Variants in BMPER observed in about 807,000 individuals in gnomAD.
BMPER encodes BMP binding endothelial regulator.
A neutral mutation model predicts 87.3 loss-of-function variants in BMPER; 45 were observed. That is an observed-to-expected ratio of 0.52 (90% confidence interval 0.41 to 0.66). BMPER has a LOEUF of 0.66. BMPER is among the 30% of genes least tolerant of loss of function. BMPER has a pLI of 0.00. For synonymous variants in BMPER, 326 were observed against 316.2 expected (o/e 1.03, Z -0.33); for missense variants, 784 against 867.5 (o/e 0.90, Z 1.21).
At chr7:33,907,829 G>A (rs1334706589) in intron 2 of BMPER, among the ~76,000 whole-genome samples, 1 of 152,204 alleles carries the variant, frequency 6.6e-6, no homozygotes, top group African/African-American at 2.4e-5. Flanking sequence ...ATGCTGTGTG[G>A]CGCTGGAGAA....
intron 11 of BMPER, among the ~76,000 whole-genome samples, chr7:34,078,312 C>T (rs1031295695): frequency 3.3e-5 from 5 of 152,136 alleles, no homozygotes; most frequent in African/African-American, 9.7e-5. Flanking sequence ...TACTATTAAA[C>T]TCGTGTCTGT....
chr7:34,060,535 A>C (rs556772709), intron 10 of BMPER, among the ~76,000 whole-genome samples: 2 of 152,378 alleles, frequency 1.3e-5, no homozygotes, highest in African/African-American at 4.8e-5. Context: ...AGTCTCACTC[A>C]AAGTTGTCAA....
chr7:33,905,815 GCTT>G, intron 1 of BMPER, 69 bp downstream of exon 1: 5 of 1,392,578 alleles, frequency 3.6e-6, no homozygotes, highest in East Asian at 2.6e-5. Context: ...GGTGGCGCTG[GCTT>G]GCCCCGGGGA....
At chr7:33,946,211 C>T (rs1784890878) in intron 3 of BMPER, among the ~76,000 whole-genome samples, 1 of 152,170 alleles carries the variant, frequency 6.6e-6, no homozygotes, top group South Asian at 2.1e-4. Flanking sequence ...TGAGAACTCA[C>T]TATCATGAGA....
At chr7:34,023,776 T>C (rs1464121341) in intron 6 of BMPER, among the ~76,000 whole-genome samples, 4 of 152,072 alleles carry the variant, frequency 2.6e-5, no homozygotes, top group African/African-American at 9.7e-5. Flanking sequence ...GTGTTCCAAG[T>C]TGTGTTTAGA....
intron 14 of BMPER, among the ~76,000 whole-genome samples, chr7:34,148,577 A>G (rs1049143405): frequency 1.3e-5 from 2 of 152,198 alleles, no homozygotes; most frequent in African/African-American, 4.8e-5. Context: ...TGGTATTTAT[A>G]GGATGAAGGA....
At chr7:34,084,274 C>A (rs1789139543) in intron 12 of BMPER, among the ~76,000 whole-genome samples, 2 of 152,222 alleles carry the variant, frequency 1.3e-5, no homozygotes, top group Non-Finnish European at 2.9e-5. Flanking sequence ...GCACTCCAGC[C>A]TGGGCGACAG....
At chr7:34,059,480 G>A (rs1788374413) in intron 10 of BMPER, among the ~76,000 whole-genome samples, 2 of 152,022 alleles carry the variant, frequency 1.3e-5, no homozygotes, top group Admixed American at 6.6e-5. Flanking sequence ...TGGGCCAGGG[G>A]CATCCATTCC....
chr7:34,138,789 T>C (rs1790789317), intron 13 of BMPER, among the ~76,000 whole-genome samples: 1 of 152,190 alleles, frequency 6.6e-6, no homozygotes, highest in Non-Finnish European at 1.5e-5. Flanking sequence ...GTTTTCCCAC[T>C]GGAGCACACT....
At position 34,155,936 on chromosome 7, in the gene BMPER, T is replaced by C. The variant is rs924484237; in HGVS notation, c.*2663T>C. On this transcript the variant is annotated 3_prime_UTR_variant, in exon 15 of 15. Coordinates refer to ENST00000649409, the MANE Select transcript of BMPER (RefSeq NM_001365308.1). ...CATAATTATGATTCTAATTGCCCAT[T>C]GTTGGTACTCAGTAAAACTAAGTTC... 1 of 152,232 alleles carries C rather than the reference T, an allele frequency of 6.6e-6. No individual in the cohort carries two copies. The highest frequency in any genetic ancestry group is 2.4e-5 in the African/African-American group (1 of 41,464). 9.4% of individuals were successfully genotyped at this position (152,232 alleles called of 1,614,324 possible).
rs886062309 is a variant in BMPER at position 34,155,550 on chromosome 7, T to G, written c.*2277T>G. ...CCTTTAGCTGGGGATTAGCTTAATC[T>G]CTGTACATTTTTCTCATTTCTAATT... On this transcript the variant is annotated 3_prime_UTR_variant, in exon 15 of 15. Transcript: ENST00000649409. 1.3e-5 allele frequency: 2 copies of G among 152,336 alleles called. No homozygotes were observed. The highest frequency in any genetic ancestry group is 3.9e-4 in the East Asian group (2 of 5,184). 9.4% of individuals were successfully genotyped at this position (152,336 alleles called of 1,614,324 possible).
intron 3 of BMPER, among the ~76,000 whole-genome samples, chr7:33,952,736 A>T (rs1486811477): frequency 6.6e-6 from 1 of 152,114 alleles, no homozygotes; most frequent in Non-Finnish European, 1.5e-5. Flanking sequence ...ATCAGAGAAT[A>T]CTCTTGTAGT....
intron 11 of BMPER, among the ~76,000 whole-genome samples, chr7:34,078,591 A>G (rs1198442022): frequency 6.6e-6 from 1 of 152,216 alleles, no homozygotes; most frequent in African/African-American, 2.4e-5. Context: ...CGTTAAGATC[A>G]TGGAAGCATA....
At chr7:34,002,681 T>C (rs1786613198) in intron 6 of BMPER, among the ~76,000 whole-genome samples, 1 of 151,850 alleles carries the variant, frequency 6.6e-6, no homozygotes, top group Admixed American at 6.6e-5. Flanking sequence ...TTTTGCTTCA[T>C]ATATGTTAGG....
chr7:34,001,358 A>G (rs1786574908), intron 6 of BMPER, among the ~76,000 whole-genome samples: 1 of 151,868 alleles, frequency 6.6e-6, no homozygotes. Flanking sequence ...TGGCATGAAT[A>G]TGAGTCTATT....
At chr7:34,023,855 T>C (rs1317059665) in intron 6 of BMPER, among the ~76,000 whole-genome samples, 1 of 152,084 alleles carries the variant, frequency 6.6e-6, no homozygotes, top group African/African-American at 2.4e-5. Flanking sequence ...GTTTCTTTTA[T>C]ATGTCTTTAT....
At chr7:33,977,110 T>C (rs1585697494) in intron 6 of BMPER, among the ~76,000 whole-genome samples, 1 of 152,332 alleles carries the variant, frequency 6.6e-6, no homozygotes, top group East Asian at 1.9e-4. Context: ...GAGTTCTTGC[T>C]TGAAGGTAGG....
At chr7:34,089,951 G>A (rs1789333951) in intron 13 of BMPER, among the ~76,000 whole-genome samples, 3 of 151,838 alleles carry the variant, frequency 2.0e-5, no homozygotes, top group Admixed American at 1.3e-4. Context: ...TCTGTTTTGG[G>A]AATTTTTTTT....
chr7:34,099,902 T>C lies in BMPER; in HGVS notation c.1745+13810T>C, dbSNP rs1789632582. Among the ~76,000 whole-genome samples, 3 of 152,252 alleles carry C rather than the reference T, an allele frequency of 2.0e-5. No individual in the cohort carries two copies. The South Asian group carries it at 6.2e-4, about 32-fold the overall frequency. On this transcript the variant is annotated intron_variant, in intron 13 of 14. Coordinates refer to ENST00000649409, the MANE Select transcript of BMPER (RefSeq NM_001365308.1). Reference sequence around the variant, plus strand: ...TTGAGAAGTCACAGTTTGTTTTTTTTTTCATTGTTTGTTTTTTTGAGATTC... The same window carrying C: ...TTGAGAAGTCACAGTTTGTTTTTTTCTTCATTGTTTGTTTTTTTGAGATTC...
Sources: allele counts gnomAD v4.1 joint callset (sites outside exome capture counted in the v4.1 genomes callset), GRCh38; gene constraint gnomAD v4.1.1; transcripts MANE v1.5; gene names NCBI Gene and HGNC (gene_info 2026-07-23, HGNC 2026-07-21).